The following FCRL1 variants were observed in gnomAD, a reference collection of about 807,000 sequenced individuals.
FCRL1 encodes the protein Fc receptor-like protein 1.
Under a neutral mutation model 49.2 loss-of-function variants are expected in FCRL1, and 34 were observed. That is an observed-to-expected ratio of 0.69 (90% confidence interval 0.53 to 0.92). The LOEUF (loss-of-function observed/expected upper bound fraction) is 0.92. FCRL1 is among the 40% of genes least tolerant of loss of function. The pLI is 0.00. For missense variants in FCRL1, 524 were observed against 524.1 expected, an observed-to-expected ratio of 1.00 and a Z score of 0.00; for synonymous variants, 218 against 201.6, an observed-to-expected ratio of 1.08 and a Z score of -0.69.
chr1:157,815,588 G>C (rs968410108), intron 1 of FCRL1, among the ~76,000 whole-genome samples: 1 of 151,688 alleles, frequency 6.6e-6, no homozygotes, highest in Non-Finnish European at 1.5e-5. Flanking sequence ...TTAGTAGAAG[G>C]AAGGAAACAA....
chr1:157,804,203 A>C, intron 2 of FCRL1, 92 bp from the exon 3 acceptor site: 1 of 1,504,606 alleles, frequency 6.6e-7, no homozygotes, highest in Non-Finnish European at 9.0e-7. Context: ...ACAAGACTCA[A>C]AGAAACAGCC....
chr1:157,801,365 A>G (rs1394855555), intron 6 of FCRL1, 96 bp downstream of exon 6: 3 of 809,552 alleles, frequency 3.7e-6, no homozygotes, highest in African/African-American at 1.7e-5. Context: ...TGTTAACAGC[A>G]TATACATCTT....
In FCRL1 at chr1:157,820,089, T is replaced by G. The variant is rs748677335; in HGVS notation, c.-52A>C. 2.5e-6 allele frequency: 4 copies of G among 1,605,574 alleles called. No individual in the cohort carries two copies. In the South Asian group the frequency reaches 3.3e-5, roughly 13 times the overall value. On this transcript the variant is annotated 5_prime_UTR_variant, in exon 1 of 11. Transcript: ENST00000368176. ...GAGATGCCTCTCATCAAAAAAAGAA[T>G]GCACCTCAGAGTCGAGCAGCAGCAG...
chr1:157,801,641 T>A (rs1652493426), intron 5 of FCRL1, 64 bp from the exon 6 acceptor site: 10 of 1,195,664 alleles, frequency 8.4e-6, no homozygotes, highest in African/African-American at 1.5e-5. Context: ...AGAGCAGACA[T>A]CTTGGGTGTG....
chr1:157,805,264 G>A (rs983188534), intron 2 of FCRL1, among the ~76,000 whole-genome samples: 2 of 152,064 alleles, frequency 1.3e-5, no homozygotes, highest in African/African-American at 2.4e-5. Flanking sequence ...AATAGCTATG[G>A]GCTGTGTGGG....
intron 1 of FCRL1, among the ~76,000 whole-genome samples, chr1:157,812,801 ATGCC>A (rs1386830626): frequency 6.6e-6 from 1 of 152,122 alleles, no homozygotes; most frequent in Non-Finnish European, 1.5e-5. Flanking sequence ...TAGTACTACC[ATGCC>A]TGCCTGTGAC....
At chr1:157,797,646 A>T in intron 9 of FCRL1, 1 of 1,200,418 alleles carries the variant, frequency 8.3e-7, no homozygotes, top group South Asian at 1.4e-5. Context: ...TAATTTAAGA[A>T]ATTTGACAGC....
chr1:157,809,799 C>T (rs1235880045), intron 1 of FCRL1, among the ~76,000 whole-genome samples: 1 of 152,140 alleles, frequency 6.6e-6, no homozygotes, highest in Non-Finnish European at 1.5e-5. Flanking sequence ...TTGCATGTGT[C>T]TCTGGTTCCA....
chr1:157,801,170 G>C (rs562838577), intron 6 of FCRL1, among the ~76,000 whole-genome samples: 1 of 152,112 alleles, frequency 6.6e-6, no homozygotes, highest in Non-Finnish European at 1.5e-5. Flanking sequence ...GATTACAGGC[G>C]TGAGCCACCG....
chr1:157,798,253 C>T lies in FCRL1; in HGVS notation c.1032-10G>A. ...AGGGCTGGGAAGGCTCCTGCAAACA[C>T]AGAGACACATGTTATTTATCTGAAA... On this transcript the variant is annotated splice_polypyrimidine_tract_variant and intron_variant, in intron 7 of 10. Coordinates refer to ENST00000368176, the MANE Select transcript of FCRL1 (RefSeq NM_052938.5). 6 of 1,595,670 alleles carry T rather than the reference C, an allele frequency of 3.8e-6. No individual in the cohort carries two copies. The highest frequency in any genetic ancestry group is 1.3e-5 in the African/African-American group (1 of 74,212).
At chr1:157,813,102 G>T (rs1429395422) in intron 1 of FCRL1, among the ~76,000 whole-genome samples, 1 of 152,180 alleles carries the variant, frequency 6.6e-6, no homozygotes, top group Non-Finnish European at 1.5e-5. Flanking sequence ...GGATCAATCT[G>T]CAGGTGAAAG....
At chr1:157,799,293 C>T (rs907520528) in intron 7 of FCRL1, among the ~76,000 whole-genome samples, 2 of 152,160 alleles carry the variant, frequency 1.3e-5, no homozygotes, top group East Asian at 1.9e-4. Flanking sequence ...AGCCACTGTG[C>T]CCAGCCGCAA....
In FCRL1 at chr1:157,802,465, C is replaced by T. The variant is rs781461472; in HGVS notation, c.519G>A (p.Val173=). Residue 173 remains valine (V), a synonymous_variant, in exon 4 of 11, where the codon GTG becomes GTA. Transcript: ENST00000368176. The stretch of plus-strand genomic sequence containing the variant: ...AATATTGCTCAGCATCACTCTCCCT[C>T]ACTGAAGGAATCTCATACTCTGCTG... ...SLTAEYEIPS[V]RESDAEQYYC... is the part of the protein sequence containing the mutation. 1 of 1,614,090 alleles carries T rather than the reference C, an allele frequency of 6.2e-7. No individual in the cohort carries two copies. The highest frequency in any genetic ancestry group is 1.3e-5 in the African/African-American group (1 of 74,926).
At chr1:157,813,233 G>T (rs1654571625) in intron 1 of FCRL1, among the ~76,000 whole-genome samples, 1 of 152,052 alleles carries the variant, frequency 6.6e-6, no homozygotes, top group South Asian at 2.1e-4. Flanking sequence ...ACCAATACAA[G>T]AACAAAATAA....
intron 1 of FCRL1, among the ~76,000 whole-genome samples, chr1:157,818,043 A>G (rs963459478): frequency 6.6e-6 from 1 of 152,206 alleles, no homozygotes; most frequent in East Asian, 1.9e-4. Context: ...GAGAATCCTC[A>G]CATGCTGTAG....
Position 157,804,069 on chromosome 1 carries a change from C to A in FCRL1, c.95G>T (p.Ser32Ile). ...IASPSHPTEGSPVTLTCKMPF... is the reference protein window; with the variant it reads ...IASPSHPTEGIPVTLTCKMPF... ...CATCTTACACGTCAGGGTCACTGGG[C>A]TCCCCTCTGTGGGATGGGAGGGGCT... is the stretch of plus-strand genomic sequence containing the variant. The change falls in exon 3 of 11, where the codon AGC becomes ATC. Residue 32 changes from serine (S) to isoleucine (I), a missense_variant. Physicochemically the swap from Ser to Ile is moderately radical, Grantham distance 142 (BLOSUM62 -2). Transcript: ENST00000368176. 6.2e-7 allele frequency: 1 copy of A among 1,614,182 alleles called. No individual in the cohort carries two copies. Among genetic ancestry groups the A allele is most frequent in the Non-Finnish European group, 8.5e-7 (1 of 1,180,034 alleles).
chr1:157,814,204 G>A (rs942904861), intron 1 of FCRL1, among the ~76,000 whole-genome samples: 13 of 152,176 alleles, frequency 8.5e-5, no homozygotes, highest in Middle Eastern at 6.8e-3. Flanking sequence ...TTACTGTAAC[G>A]GTGATTTGTA....
intron 7 of FCRL1, 79 bp downstream of exon 7, chr1:157,799,979 C>A: frequency 7.3e-7 from 1 of 1,364,682 alleles, no homozygotes; most frequent in South Asian, 1.5e-5. Context: ...AAAAAATGCT[C>A]AGGAGAGAAC....
At chr1:157,797,361 G>C (rs77600255) in intron 9 of FCRL1, among the ~76,000 whole-genome samples, 3 of 152,172 alleles carry the variant, frequency 2.0e-5, no homozygotes, top group Non-Finnish European at 4.4e-5. Context: ...GCCAGGAGGG[G>C]CCTTTATACC....
Sources: allele counts gnomAD v4.1 joint callset (sites outside exome capture counted in the v4.1 genomes callset), GRCh38; gene constraint gnomAD v4.1.1; transcripts MANE v1.5; gene names NCBI Gene and HGNC (gene_info 2026-07-23, HGNC 2026-07-21).